Variants in EHF observed in about 807,000 individuals in gnomAD.
EHF encodes the protein ETS homologous factor.
A neutral mutation model predicts 45.1 loss-of-function variants in EHF; 14 were observed. The ratio of observed to expected loss-of-function variants is 0.31; its 90% CI spans 0.21 to 0.49. The LOEUF (loss-of-function observed/expected upper bound fraction) is 0.49, where lower values mean the gene tolerates loss of function less well. Among genes scored for constraint, EHF ranks in the 20% least tolerant of loss-of-function variants. EHF has a pLI of 0.99. For missense variants in EHF, 282 were observed against 371.4 expected (o/e 0.76, Z 1.98); for synonymous variants, 136 against 131.8 (o/e 1.03, Z -0.22).
chr11:34,646,524 C>A lies in EHF; in HGVS notation c.183C>A (p.His61Gln), dbSNP rs1854555836. ...TKYQVWEWLQ[H>Q]LLDTNQLDAN... ...ACCAGGTGTGGGAGTGGCTCCAGCA[C>A]CTCCTGGACACCAACCAGCTGGATG... Residue 61 changes from histidine to glutamine, a missense_variant, in exon 3 of 9, where the codon CAC (histidine) becomes CAA (glutamine). His to Gln is a conservative substitution (Grantham distance 24, BLOSUM62 0). Transcript: ENST00000257831. 6.2e-7 allele frequency: 1 copy of A among 1,613,902 alleles called. No individual in the cohort carries two copies. The highest frequency in any genetic ancestry group is 1.7e-5 in the Admixed American group (1 of 59,994).
At chr11:34,655,036 C>T (rs1283658951) in intron 6 of EHF, among the ~76,000 whole-genome samples, 1 of 152,120 alleles carries the variant, frequency 6.6e-6, no homozygotes, top group Non-Finnish European at 1.5e-5. Context: ...CCAGACCTGT[C>T]GCAATATTGT....
chr11:34,622,324 A>G (rs1177290435), intron 1 of EHF: 2 of 897,958 alleles, frequency 2.2e-6, no homozygotes, highest in Non-Finnish European at 3.1e-6. Context: ...GGTTATCTGC[A>G]CTCACCTTGG....
rs1854571072 is a variant in EHF at position 34,646,630 on chromosome 11, G to T, written c.289G>T (p.Ala97Ser). The T allele has an allele frequency of 6.2e-7, 1 of 1,613,666 alleles. No homozygotes were observed. The highest frequency in any genetic ancestry group is 1.3e-5 in the African/African-American group (1 of 75,028). ...SMSLQEFTRAAGTAGQLLYSN... is the reference protein window; with the variant it reads ...SMSLQEFTRASGTAGQLLYSN... ...GAGTTTGCAGGAGTTCACCCGGGCGGCAGGGACGGCGGGGCAGCTCCTCTA... is the reference window on the plus strand; with the variant it reads ...GAGTTTGCAGGAGTTCACCCGGGCGTCAGGGACGGCGGGGCAGCTCCTCTA... Residue 97 changes from alanine (A) to serine (S), a missense_variant, in exon 3 of 9, where the codon GCA becomes TCA. By Grantham distance (99) the Ala-to-Ser change is moderately conservative. Transcript: ENST00000257831.
At chr11:34,622,723 A>G (rs1243273956) in intron 1 of EHF, among the ~76,000 whole-genome samples, 1 of 152,256 alleles carries the variant, frequency 6.6e-6, no homozygotes, top group African/African-American at 2.4e-5. Flanking sequence ...GGAGTCATGT[A>G]GACAACACCA....
In EHF at chr11:34,652,372, G is replaced by T. The variant is rs529876073; in HGVS notation, c.544+567G>T. On this transcript the variant is annotated intron_variant, in intron 6 of 8. Coordinates refer to ENST00000257831, the MANE Select transcript of EHF (RefSeq NM_012153.6). Reference sequence around the variant, plus strand: ...AGAGCACCTGCATTTTATGAGTTACGTTCACTTTAGCTGCATTTGGTTAAG... The same window carrying T: ...AGAGCACCTGCATTTTATGAGTTACTTTCACTTTAGCTGCATTTGGTTAAG... Among the ~76,000 whole-genome samples, 5 of 152,244 alleles carry T rather than the reference G, an allele frequency of 3.3e-5. No homozygotes were observed. The South Asian group carries it at 1.0e-3, about 32-fold the overall frequency.
chr11:34,638,182 G>A (rs748833577), intron 1 of EHF, among the ~76,000 whole-genome samples: 8 of 152,206 alleles, frequency 5.3e-5, no homozygotes, highest in East Asian at 1.9e-4. Flanking sequence ...GATTACAGGC[G>A]TGAGCCATCG....
Position 34,663,221 on chromosome 11 carries a change from A to G in EHF, c.*4290A>G, listed in dbSNP as rs2134264991. Among the ~76,000 whole-genome samples, 1 of 152,254 alleles carries G rather than the reference A, an allele frequency of 6.6e-6. No homozygotes were observed. ...GTTTTGTCAAAGAATTATATTTTTC[A>G]AAATATGTTTATTTGTTTGATGGGT... On this transcript the variant is annotated 3_prime_UTR_variant, in exon 9 of 9. Coordinates refer to ENST00000257831, the MANE Select transcript of EHF (RefSeq NM_012153.6).
At chr11:34,641,860 C>T (rs921203196) in intron 1 of EHF, 1 of 152,052 alleles carries the variant, frequency 6.6e-6, no homozygotes, top group East Asian at 1.9e-4. Flanking sequence ...TCTCCCAAGT[C>T]CTTTACTGAA....
intron 2 of EHF, among the ~76,000 whole-genome samples, chr11:34,644,820 A>C (rs1298528907): frequency 2.6e-5 from 4 of 152,254 alleles, no homozygotes; most frequent in Non-Finnish European, 1.5e-5. Context: ...GCTTGCTAGG[A>C]ATGCAGAAAC....
intron 3 of EHF, among the ~76,000 whole-genome samples, chr11:34,647,281 T>C (rs1854659466): frequency 6.6e-6 from 1 of 152,164 alleles, no homozygotes; most frequent in Admixed American, 6.5e-5. Flanking sequence ...GACACGTGTA[T>C]GGGGAATGTT....
chr11:34,632,040 T>A (rs1423848014), intron 1 of EHF, among the ~76,000 whole-genome samples: 1 of 152,134 alleles, frequency 6.6e-6, no homozygotes, highest in Non-Finnish European at 1.5e-5. Context: ...CATCTCCCTC[T>A]GGCCTATTTG....
chr11:34,631,583 A>G, intron 1 of EHF: 9 of 984,808 alleles, frequency 9.1e-6, no homozygotes, highest in Non-Finnish European at 9.6e-6. Context: ...TGAGGCCTCA[A>G]ATCTCTTGGC....
intron 4 of EHF, among the ~76,000 whole-genome samples, chr11:34,651,207 T>C (rs1186336622): frequency 2.6e-5 from 4 of 151,938 alleles, no homozygotes; most frequent in African/African-American, 9.7e-5. Context: ...CTGGTGATTA[T>C]GCAGTAGAAT....
chr11:34,638,285 C>T (rs1262810176), intron 1 of EHF, among the ~76,000 whole-genome samples: 3 of 152,182 alleles, frequency 2.0e-5, no homozygotes, highest in African/African-American at 7.2e-5. Context: ...ATAATTTATA[C>T]AATCTCCCCA....
At chr11:34,627,951 T>C (rs1852520622) in intron 1 of EHF, among the ~76,000 whole-genome samples, 1 of 152,238 alleles carries the variant, frequency 6.6e-6, no homozygotes, top group Non-Finnish European at 1.5e-5. Flanking sequence ...ACTAGGTAGA[T>C]ATTCTTATTT....
At position 34,659,039 on chromosome 11, in the gene EHF, C is replaced by A; in HGVS notation, c.*108C>A. Reference sequence around the variant, plus strand: ...ACTACTTTTCTCTGATATTTATGTACCATGAGGGGAACAAGAAACTACTTC... The same window carrying A: ...ACTACTTTTCTCTGATATTTATGTAACATGAGGGGAACAAGAAACTACTTC... On this transcript the variant is annotated 3_prime_UTR_variant, in exon 9 of 9. Transcript: ENST00000257831. 3 of 826,482 alleles carry A rather than the reference C, an allele frequency of 3.6e-6. No individual in the cohort carries two copies. Among genetic ancestry groups the A allele is most frequent in the South Asian group, 3.9e-5 (2 of 51,062 alleles). The allele number at this position is 826,482 out of a possible 1,614,324, so 51.2% of individuals were successfully genotyped here.
rs1854081072 is a variant in EHF, at chr11:34,642,296, A to G, written c.-3-332A>G. 1.7e-5 allele frequency: 3 copies of G among 177,532 alleles called. No homozygotes were observed. In the Admixed American group the frequency reaches 1.7e-4, roughly 10 times the overall value. The allele number at this position is 177,532 out of a possible 1,614,324, so 11.0% of individuals were successfully genotyped here. On this transcript the variant is annotated intron_variant, in intron 1 of 8. Coordinates refer to ENST00000257831, the MANE Select transcript of EHF (RefSeq NM_012153.6). Reference sequence around the variant, plus strand: ...CTTGGCATTTTCACTTTTGTAAAAAAAAAAGAAAAAAAAAAACTGCTTGGA... The same window carrying G: ...CTTGGCATTTTCACTTTTGTAAAAAGAAAAGAAAAAAAAAAACTGCTTGGA...
chr11:34,641,167 C>A (rs1853961972), intron 1 of EHF, among the ~76,000 whole-genome samples: 1 of 152,126 alleles, frequency 6.6e-6, no homozygotes, highest in South Asian at 2.1e-4. Flanking sequence ...ATCATCCCTA[C>A]CCTGTCTTTC....
Position 34,637,912 on chromosome 11 carries a change from T to C in EHF, c.-3-4716T>C, listed in dbSNP as rs185661646. On this transcript the variant is annotated intron_variant, in intron 1 of 8. Coordinates refer to ENST00000257831, the MANE Select transcript of EHF (RefSeq NM_012153.6). ...TTCATTTCACTCCTTTTTTTTTTTT[T>C]CCTTTTTGAGTCAGAGTCTCGCTCT... is the stretch of plus-strand genomic sequence containing the variant. 9.5e-3 allele frequency among the ~76,000 whole-genome samples: 1,443 copies of C among 151,550 alleles called. 25 individuals carry two copies. Among genetic ancestry groups the C allele is most frequent in the African/African-American group, 0.032 (1,340 of 41,302 alleles).
Sources: gnomAD v4.1 joint callset for allele counts (sites outside exome capture counted in the v4.1 genomes callset) on GRCh38, gnomAD v4.1.1 for gene constraint, MANE v1.5 for transcripts, NCBI Gene and HGNC (gene_info 2026-07-23, HGNC 2026-07-21) for gene names.